Variants in ENSA observed in about 807,000 individuals in gnomAD.
ENSA encodes the protein alpha-endosulfine.
Under a neutral mutation model 16.8 loss-of-function variants are expected in ENSA, and 7 were observed. The ratio of observed to expected loss-of-function variants is 0.42; its 90% CI spans 0.24 to 0.78. ENSA has a LOEUF of 0.78. Among genes scored for constraint, ENSA ranks in the 30% least tolerant of loss-of-function variants. The probability of loss-of-function intolerance (pLI) is 0.29; values close to 1 mark genes in which losing one functional copy is unlikely to be tolerated. For synonymous variants in ENSA, 58 were observed against 53.4 expected (o/e 1.09, Z -0.37); for missense variants, 87 against 142.3 (o/e 0.61, Z 1.98).
rs773423871 is a variant in ENSA at position 150,629,363 on chromosome 1, C to T, written c.57+51G>A. The T allele has an allele frequency of 6.3e-6, 10 of 1,595,972 alleles. No individual in the cohort carries two copies. In the African/African-American group the frequency reaches 6.7e-5, roughly 11 times the overall value. ...TCCGCACTGGTGGGAGACCGTCTCC[C>T]GCCCCATCACGGTCTCCCCAGCTCG... On this transcript the variant is annotated intron_variant, in intron 1 of 3. Coordinates refer to ENST00000369014, the MANE Select transcript of ENSA (RefSeq NM_004436.4).
intron 1 of ENSA, 125 bp from the exon 2 acceptor site, chr1:150,627,717 T>C (rs1216040509): frequency 9.9e-7 from 1 of 1,009,458 alleles, no homozygotes; most frequent in Admixed American, 2.8e-5. Flanking sequence ...CTATCTCTAC[T>C]CTGCTGTTAA....
intron 2 of ENSA, 102 bp downstream of exon 2, chr1:150,627,365 C>A (rs767351675): frequency 6.2e-7 from 1 of 1,611,468 alleles, no homozygotes; most frequent in African/African-American, 1.3e-5. Context: ...TTCTGTTCAA[C>A]AACAAAACCT....
intron 2 of ENSA, among the ~76,000 whole-genome samples, chr1:150,626,791 G>A (rs1962138): frequency 1.1e-4 from 16 of 152,240 alleles, no homozygotes; most frequent in Admixed American, 3.3e-4. Context: ...TGCTCCGCCC[G>A]CCTCGGCCTC....
chr1:150,623,197 T>C (rs1649076585), intron 3 of ENSA: 2 of 1,108,376 alleles, frequency 1.8e-6, no homozygotes, highest in Non-Finnish European at 2.2e-6. Context: ...TTCAGAGGCA[T>C]GGCCACAGCT....
At position 150,625,803 on chromosome 1, in the gene ENSA, C is replaced by T; in HGVS notation, c.189G>A (p.Lys63=). Reference sequence around the variant, plus strand: ...TGTTGTAGTCTCCTGAGTCAAAGTACTTTTGCTAAGAGATAAGAGGGAGGT... The same window carrying T: ...TGTTGTAGTCTCCTGAGTCAAAGTATTTTTGCTAAGAGATAAGAGGGAGGT... ...FLMKRLQKGQ[K]YFDSGDYNMA... Residue 63 remains lysine, a synonymous_variant, in exon 3 of 4, where the codon AAG becomes AAA. Coordinates refer to ENST00000369014, the MANE Select transcript of ENSA (RefSeq NM_004436.4). 2 of 1,600,460 alleles carry T rather than the reference C, an allele frequency of 1.2e-6. No homozygotes were observed. Among genetic ancestry groups the T allele is most frequent in the Non-Finnish European group, 1.7e-6 (2 of 1,172,582 alleles).
At chr1:150,623,948 C>T in intron 3 of ENSA, 5 of 985,430 alleles carry the variant, frequency 5.1e-6, no homozygotes, top group Non-Finnish European at 6.0e-6. Context: ...CATCCCCCCA[C>T]ATGCACATCA....
At chr1:150,625,161 C>A (rs1649212914) in intron 3 of ENSA, 1 of 985,786 alleles carries the variant, frequency 1.0e-6, no homozygotes, top group Admixed American at 6.1e-5. Flanking sequence ...CTAAACCTGC[C>A]ATAATGGAAA....
intron 3 of ENSA, chr1:150,623,560 C>G (rs779192773): frequency 9.1e-6 from 9 of 985,530 alleles, no homozygotes; most frequent in Non-Finnish European, 1.1e-5. Context: ...ATAGAGAAGG[C>G]AGCTCAGACA....
chr1:150,626,589 C>A (rs1649334540), intron 2 of ENSA: 2 of 1,275,924 alleles, frequency 1.6e-6, no homozygotes, highest in Non-Finnish European at 2.2e-6. Context: ...TGGAGCCTCG[C>A]TATGTTGCCC....
At chr1:150,623,175 A>G in intron 3 of ENSA, 1 of 1,165,178 alleles carries the variant, frequency 8.6e-7, no homozygotes, top group East Asian at 5.0e-5. Context: ...TGCCTGGCTC[A>G]GAGCAGGCTG....
At chr1:150,629,229 G>A (rs1410286321) in intron 1 of ENSA, 185 bp downstream of exon 1, 11 of 1,548,316 alleles carry the variant, frequency 7.1e-6, no homozygotes, top group Admixed American at 1.8e-5. Flanking sequence ...AGTACTGAGT[G>A]ACAAACGACC....
intron 2 of ENSA, chr1:150,626,340 C>T (rs1304829340): frequency 1.2e-5 from 9 of 740,170 alleles, no homozygotes; most frequent in Non-Finnish European, 2.1e-5. Context: ...ACTCTCACAG[C>T]TCCCACACAT....
rs1001396202 is a variant in ENSA at position 150,622,307 on chromosome 1, A to G, written c.*537T>C. On this transcript the variant is annotated 3_prime_UTR_variant, in exon 4 of 4. Transcript: ENST00000369014. ...TAAAATGATTAATGTTGAGTTCTCA[A>G]CTAGCTCTGCAGAACTAGAGGAGCT... is the stretch of plus-strand genomic sequence containing the variant. The G allele has an allele frequency of 6.5e-6, 1 of 153,224 alleles. No homozygotes were observed. The highest frequency in any genetic ancestry group is 2.4e-5 in the African/African-American group (1 of 41,492). The allele number at this position is 153,224 out of a possible 1,614,324, so 9.5% of individuals were successfully genotyped here.
At chr1:150,624,441 T>C (rs1009143408) in intron 3 of ENSA, 2 of 985,928 alleles carry the variant, frequency 2.0e-6, no homozygotes, top group African/African-American at 3.5e-5. Flanking sequence ...GGTCAACACA[T>C]GTGCATGACT....
intron 2 of ENSA, chr1:150,627,227 C>T (rs1239833784): frequency 6.6e-7 from 1 of 1,509,264 alleles, no homozygotes; most frequent in East Asian, 2.3e-5. Flanking sequence ...TCCCTCATTT[C>T]CCCACACACC....
chr1:150,626,472 C>A (rs901700531), intron 2 of ENSA: 1 of 1,611,152 alleles, frequency 6.2e-7, no homozygotes, highest in Non-Finnish European at 8.5e-7. Flanking sequence ...AGGGATGTTT[C>A]ACCCACCATT....
chr1:150,629,385 C>T (rs79906755), intron 1 of ENSA, 29 bp downstream of exon 1: 2 of 1,607,622 alleles, frequency 1.2e-6, no homozygotes, highest in Non-Finnish European at 1.7e-6. Flanking sequence ...GTCTCCCCAG[C>T]TCGCCCGCCC....
In ENSA at chr1:150,629,300, T is replaced by C; in HGVS notation, c.57+114A>G. 3 of 1,531,514 alleles carry C rather than the reference T, an allele frequency of 2.0e-6. No individual in the cohort carries two copies. In the South Asian group the frequency reaches 3.7e-5, roughly 19 times the overall value. The allele number at this position is 1,531,514 out of a possible 1,614,324, so 94.9% of individuals were successfully genotyped here. ...AGCTCACCCAGCGTGACGCAAAAAG[T>C]GGCCAACCCCTGCGGAGCCTGAGAC... On this transcript the variant is annotated intron_variant, in intron 1 of 3. Transcript: ENST00000369014.
intron 2 of ENSA, among the ~76,000 whole-genome samples, chr1:150,626,750 G>T (rs1173681559): frequency 6.6e-6 from 1 of 152,060 alleles, no homozygotes; most frequent in African/African-American, 2.4e-5. Flanking sequence ...TAGAGACGGG[G>T]TTTCACTATG....
Sources: allele counts gnomAD v4.1 joint callset (sites outside exome capture counted in the v4.1 genomes callset), GRCh38; gene constraint gnomAD v4.1.1; transcripts MANE v1.5; gene names NCBI Gene and HGNC (gene_info 2026-07-23, HGNC 2026-07-21).